Variants in PIGQ observed in about 807,000 individuals in gnomAD.
PIGQ encodes the protein phosphatidylinositol glycan anchor biosynthesis class Q, also known as phosphatidylinositol N-acetylglucosaminyltransferase subunit Q.
In PIGQ, 54 loss-of-function variants were observed where a neutral mutation model predicts 60.3. The ratio of observed to expected loss-of-function variants is 0.90; its 90% CI spans 0.72 to 1.12. The LOEUF is 1.12. Ranked by LOEUF, PIGQ falls within the 50% of genes most tolerant of loss-of-function variation. The probability of loss-of-function intolerance (pLI) is 0.00; values close to 1 mark genes in which losing one functional copy is unlikely to be tolerated. For missense variants in PIGQ, 799 were observed against 793.5 expected (o/e 1.01, Z -0.08); for synonymous variants, 416 against 363.7 (o/e 1.14, Z -1.64).
At chr16:578,659 G>A in intron 5 of PIGQ, 126 bp from the exon 6 acceptor site, 1 of 1,410,214 alleles carries the variant, frequency 7.1e-7, no homozygotes, top group South Asian at 1.3e-5. Context: ...TGGGGCCTGG[G>A]CACCTCCCGA....
intron 10 of PIGQ, 123 bp from the exon 11 acceptor site, chr16:582,760 C>T: frequency 1.8e-6 from 2 of 1,099,856 alleles, no homozygotes; most frequent in Non-Finnish European, 2.6e-6. Flanking sequence ...TGGCTTCTCC[C>T]ACAGGCAAGG....
Position 581,045 on chromosome 16 carries a change from A to T in PIGQ, c.1531+73A>T, listed in dbSNP as rs988078889. 4 of 1,342,056 alleles carry T rather than the reference A, an allele frequency of 3.0e-6. No homozygotes were observed. The African/African-American group carries it at 5.7e-5, about 19-fold the overall frequency. 83.1% of individuals were successfully genotyped at this position (1,342,056 alleles called of 1,614,324 possible). A position where few individuals can be genotyped will look rare whatever the true frequency, so the allele number is the denominator to read the frequency against. On this transcript the variant is annotated intron_variant, in intron 9 of 10. Transcript: ENST00000321878. ...CCACACCTGTGGGCCCTGCAGAAGCAAGGACAGCATGGGCCACTGTGCCTC... is the reference window on the plus strand; with the variant it reads ...CCACACCTGTGGGCCCTGCAGAAGCTAGGACAGCATGGGCCACTGTGCCTC...
chr16:583,130 T>C lies in PIGQ; in HGVS notation c.*95T>C, dbSNP rs748448447. On this transcript the variant is annotated 3_prime_UTR_variant, in exon 11 of 11. Transcript: ENST00000321878. Reference sequence around the variant, plus strand: ...AGCTCAGCTGGCGCATGTCCTGTGCTTTGTGGACGCTGCTGTGTGCTCCTG... The same window carrying C: ...AGCTCAGCTGGCGCATGTCCTGTGCCTTGTGGACGCTGCTGTGTGCTCCTG... 29 of 1,613,150 alleles carry C rather than the reference T, an allele frequency of 1.8e-5. No homozygotes were observed. Among genetic ancestry groups the C allele is most frequent in the African/African-American group, 6.7e-5 (5 of 74,938 alleles).
In PIGQ at chr16:574,052, C is replaced by T. The variant is rs768784315; in HGVS notation, c.-9-14C>T. On this transcript the variant is annotated splice_polypyrimidine_tract_variant and intron_variant, in intron 1 of 10. Transcript: ENST00000321878. ...GCAGCAGCTCTGAGCCGAGCCTCTCCTCTTCTCTTCCAGCCTCCCGGCATG... is the reference window on the plus strand; with the variant it reads ...GCAGCAGCTCTGAGCCGAGCCTCTCTTCTTCTCTTCCAGCCTCCCGGCATG... 7.7e-6 allele frequency: 12 copies of T among 1,565,984 alleles called. 1 individual carries two copies. In the South Asian group the frequency reaches 1.0e-4, roughly 14 times the overall value.
intron 9 of PIGQ, 80 bp from the exon 10 acceptor site, chr16:582,168 A>T: frequency 9.7e-7 from 1 of 1,033,814 alleles, no homozygotes; most frequent in Non-Finnish European, 1.5e-6. Flanking sequence ...CCCCTCAGAG[A>T]GGAAGGTACC....
At chr16:582,025 G>C (rs915607088) in intron 9 of PIGQ, 1 of 619,926 alleles carries the variant, frequency 1.6e-6, no homozygotes, top group Non-Finnish European at 3.0e-6. Context: ...CAAAATGCTG[G>C]GATTACAGGC....
rs2035859787 is a variant in PIGQ, at chr16:583,949, A to AG, written c.*918dup. The AG allele has an allele frequency of 4.6e-6, 2 of 437,670 alleles. No homozygotes were observed. The highest frequency in any genetic ancestry group is 8.6e-6 in the Non-Finnish European group (2 of 232,478). The allele number at this position is 437,670 out of a possible 1,614,324, so 27.1% of individuals were successfully genotyped here. On this transcript the variant is annotated 3_prime_UTR_variant, in exon 11 of 11. Coordinates refer to ENST00000321878, the MANE Select transcript of PIGQ (RefSeq NM_004204.5). ...CCTGTGAGCCCGAGTCCGCTTCAGG[A>AG]GGGGAGCCTGCAGGTGCCGGCTGGT...
intron 7 of PIGQ, 160 bp from the exon 8 acceptor site, chr16:580,023 C>G: frequency 1.8e-6 from 1 of 547,120 alleles, no homozygotes. Context: ...GGGTGGACAG[C>G]CCTCCTGCTA....
At chr16:581,954 G>A in intron 9 of PIGQ, 1 of 446,352 alleles carries the variant, frequency 2.2e-6, no homozygotes, top group South Asian at 2.0e-5. Flanking sequence ...AGTACGTATG[G>A]GGTTTCACCA....
In PIGQ at chr16:577,434, A is replaced by G. The variant is rs551652137; in HGVS notation, c.943-945A>G. On this transcript the variant is annotated intron_variant, in intron 4 of 10. Transcript: ENST00000321878. ...CTACTAAAAATACAAAAAATTAGCC[A>G]GGTATGGTGGTGGGCACCTGTAGTC... 2.1e-4 allele frequency among the ~76,000 whole-genome samples: 32 copies of G among 152,080 alleles called. No individual in the cohort carries two copies. In the East Asian group the frequency reaches 2.7e-3, roughly 13 times the overall value.
Position 574,908 on chromosome 16 carries a change from C to G in PIGQ, c.689+145C>G, listed in dbSNP as rs2035694985. On this transcript the variant is annotated intron_variant, in intron 2 of 10. Coordinates refer to ENST00000321878, the MANE Select transcript of PIGQ (RefSeq NM_004204.5). Reference sequence around the variant, plus strand: ...CACTCCTGCAGCCCGGGCTTTGGCCCCATCCTGCTCTCCCAACCCTCGCCT... The same window carrying G: ...CACTCCTGCAGCCCGGGCTTTGGCCGCATCCTGCTCTCCCAACCCTCGCCT... 9 of 662,232 alleles carry G rather than the reference C, an allele frequency of 1.4e-5. No homozygotes were observed. The South Asian group carries it at 1.8e-4, about 13-fold the overall frequency. The allele number at this position is 662,232 out of a possible 1,614,324, so 41.0% of individuals were successfully genotyped here.
Position 574,116 on chromosome 16 carries a change from G to C in PIGQ, c.42G>C (p.Thr14=), listed in dbSNP as rs747087089. The change falls in exon 2 of 11, where the codon ACG becomes ACC. Residue 14 remains threonine, a synonymous_variant. Coordinates refer to ENST00000321878, the MANE Select transcript of PIGQ (RefSeq NM_004204.5). ...TCTTCCCCACGTGCTGCGTCTCGAC[G>C]GACAGCGGGCTGCTGGTGGGACGGT... ...KAFFPTCCVS[T]DSGLLVGRWV... 1.2e-6 allele frequency: 2 copies of C among 1,610,482 alleles called. No individual in the cohort carries two copies. Among genetic ancestry groups the C allele is most frequent in the Non-Finnish European group, 1.7e-6 (2 of 1,179,308 alleles).
Position 583,400 on chromosome 16 carries a change from G to C in PIGQ, c.*365G>C. 2 of 1,612,818 alleles carry C rather than the reference G, an allele frequency of 1.2e-6. No individual in the cohort carries two copies. The highest frequency in any genetic ancestry group is 1.7e-6 in the Non-Finnish European group (2 of 1,179,974). ...GTCCACCACAGCAGCCCCAGGTGGA[G>C]GGCTGGTCTCCCTGGGGGCTCCCCA... On this transcript the variant is annotated 3_prime_UTR_variant, in exon 11 of 11. Transcript: ENST00000321878.
At chr16:581,915 C>T in intron 9 of PIGQ, 1 of 366,814 alleles carries the variant, frequency 2.7e-6, no homozygotes, top group Non-Finnish European at 5.3e-6. Flanking sequence ...AGGCACACGC[C>T]ATCACACCCG....
At chr16:582,649 G>A in intron 10 of PIGQ, 1 of 596,816 alleles carries the variant, frequency 1.7e-6, no homozygotes, top group Non-Finnish European at 3.0e-6. Flanking sequence ...CTGTGGCACG[G>A]CCCCTCAGAG....
At chr16:571,695 C>T (rs973149503) in intron 1 of PIGQ, among the ~76,000 whole-genome samples, 1 of 151,490 alleles carries the variant, frequency 6.6e-6, no homozygotes. Context: ...CCTCTGCTAT[C>T]GATCGCTTCT....
chr16:574,661 T>A lies in PIGQ; in HGVS notation c.587T>A (p.Val196Glu). The A allele has an allele frequency of 6.2e-7, 1 of 1,607,890 alleles. No homozygotes were observed. The highest frequency in any genetic ancestry group is 8.5e-7 in the Non-Finnish European group (1 of 1,179,212). The change falls in exon 2 of 11, where the codon GTG becomes GAG. Residue 196 changes from valine (V) to glutamate (E), a missense_variant. Transcript: ENST00000321878. ...VRLSHWQSEGVEASILAELAR... is the reference protein window; with the variant it reads ...VRLSHWQSEGEEASILAELAR... ...CTGAGCCACTGGCAGTCGGAGGGCG[T>A]GGAGGCCAGCATCCTCGCGGAGCTG...
At chr16:575,013 G>T (rs1473330002) in intron 2 of PIGQ, among the ~76,000 whole-genome samples, 1 of 152,214 alleles carries the variant, frequency 6.6e-6, no homozygotes, top group Non-Finnish European at 1.5e-5. Context: ...CTCCCAGAAG[G>T]TGTAGAGGGT....
At position 584,028 on chromosome 16, in the gene PIGQ, A is replaced by G. The variant is rs921832333; in HGVS notation, c.*993A>G. The G allele has an allele frequency of 2.0e-5, 7 of 345,842 alleles. No homozygotes were observed. The highest frequency in any genetic ancestry group is 4.0e-5 in the Non-Finnish European group (7 of 176,226). 21.4% of individuals were successfully genotyped at this position (345,842 alleles called of 1,614,324 possible). ...AGGCAGCGCCCATCTCAGCAGCACC[A>G]GGACTGCCTGGGACTCCCTGGCAAC... On this transcript the variant is annotated 3_prime_UTR_variant, in exon 11 of 11. Coordinates refer to ENST00000321878, the MANE Select transcript of PIGQ (RefSeq NM_004204.5).
Sources: gnomAD v4.1 joint callset for allele counts (sites outside exome capture counted in the v4.1 genomes callset) on GRCh38, gnomAD v4.1.1 for gene constraint, MANE v1.5 for transcripts, NCBI Gene and HGNC (gene_info 2026-07-23, HGNC 2026-07-21) for gene names.